Variants in TRIM44 observed in about 807,000 individuals in gnomAD.
The protein encoded by TRIM44 is tripartite motif-containing protein 44.
In TRIM44, 13 loss-of-function variants were observed where a neutral mutation model predicts 37.4. The observed-to-expected ratio is 0.35, with a 90% CI of 0.23 to 0.55. The LOEUF (loss-of-function observed/expected upper bound fraction) is 0.55, where lower values mean the gene tolerates loss of function less well. TRIM44 is among the 20% of genes least tolerant of loss of function. The pLI, the probability that TRIM44 is intolerant of heterozygous loss-of-function variation, is 0.89. For synonymous variants in TRIM44, 175 were observed against 157.2 expected (o/e 1.11, Z -0.85); for missense variants, 426 against 437.2 (o/e 0.97, Z 0.23).
chr11:35,703,252 G>A (rs533469905), intron 2 of TRIM44, among the ~76,000 whole-genome samples: 45 of 152,352 alleles, frequency 3.0e-4, no homozygotes, highest in African/African-American at 9.6e-4. Context: ...CAAAGCAGCC[G>A]GGAAGCTTGA....
In TRIM44 at chr11:35,815,547, A is replaced by G. The variant is rs76765934; in HGVS notation, c.*9162A>G. The G allele has an allele frequency of 6.6e-6, 1 of 152,152 alleles. No individual in the cohort carries two copies. The highest frequency in any genetic ancestry group is 2.4e-5 in the African/African-American group (1 of 41,504). The allele number at this position is 152,152 out of a possible 1,614,324, so 9.4% of individuals were successfully genotyped here. ...TTTGATAACAAGTAGGTTCTGATCT[A>G]TTTTCCCCAAATTAATATTTTCCCT... is the stretch of plus-strand genomic sequence containing the variant. On this transcript the variant is annotated 3_prime_UTR_variant, in exon 5 of 5. Transcript: ENST00000299413.
chr11:35,702,755 T>C (rs1851808031), intron 2 of TRIM44, among the ~76,000 whole-genome samples: 1 of 152,192 alleles, frequency 6.6e-6, no homozygotes, highest in African/African-American at 2.4e-5. Context: ...GACGATACAA[T>C]AGTTCTTATA....
chr11:35,685,422 T>A lies in TRIM44; in HGVS notation c.747+86T>A. On this transcript the variant is annotated intron_variant, in intron 2 of 4. Coordinates refer to ENST00000299413, the MANE Select transcript of TRIM44 (RefSeq NM_017583.6). ...TAAAATTGTGAGGTGTTGATGATCA[T>A]CTCTCTGAATATTGCATTAAGATTT... 4 of 1,093,082 alleles carry A rather than the reference T, an allele frequency of 3.7e-6. No individual in the cohort carries two copies. The South Asian group carries it at 5.3e-5, about 15-fold the overall frequency. 67.7% of individuals were successfully genotyped at this position (1,093,082 alleles called of 1,614,324 possible).
intron 4 of TRIM44, among the ~76,000 whole-genome samples, chr11:35,736,705 C>CT (rs1233918442): frequency 6.6e-6 from 1 of 152,206 alleles, no homozygotes; most frequent in Non-Finnish European, 1.5e-5. Flanking sequence ...TCTACTATGG[C>CT]TAAAGCCACA....
intron 3 of TRIM44, among the ~76,000 whole-genome samples, chr11:35,727,553 A>G (rs1182259913): frequency 6.6e-6 from 1 of 152,206 alleles, no homozygotes; most frequent in Non-Finnish European, 1.5e-5. Context: ...TCTTCTTTTC[A>G]TTTTATTCTC....
rs535446062 is a variant in TRIM44, at chr11:35,808,445, C to G, written c.*2060C>G. 7 of 152,160 alleles carry G rather than the reference C, an allele frequency of 4.6e-5. No individual in the cohort carries two copies. The highest frequency in any genetic ancestry group is 2.1e-4 in the South Asian group (1 of 4,810). 9.4% of individuals were successfully genotyped at this position (152,160 alleles called of 1,614,324 possible). Reference sequence around the variant, plus strand: ...GATTTGGAAGCTTGTATTGTCTTTCCCCAATAATCATTGTTTGATCTCCAA... The same window carrying G: ...GATTTGGAAGCTTGTATTGTCTTTCGCCAATAATCATTGTTTGATCTCCAA... On this transcript the variant is annotated 3_prime_UTR_variant, in exon 5 of 5. Transcript: ENST00000299413.
chr11:35,720,250 T>G (rs1385120669), intron 2 of TRIM44, among the ~76,000 whole-genome samples: 1 of 152,204 alleles, frequency 6.6e-6, no homozygotes, highest in African/African-American at 2.4e-5. Context: ...CGTATTTTGT[T>G]AGAATTATAC....
intron 2 of TRIM44, among the ~76,000 whole-genome samples, chr11:35,718,515 A>G (rs1321704621): frequency 6.6e-6 from 1 of 152,116 alleles, no homozygotes; most frequent in Non-Finnish European, 1.5e-5. Flanking sequence ...AGCCTCCCCA[A>G]CTATTATCAT....
chr11:35,737,458 G>T (rs1361518709), intron 4 of TRIM44, among the ~76,000 whole-genome samples: 1 of 152,122 alleles, frequency 6.6e-6, no homozygotes, highest in African/African-American at 2.4e-5. Flanking sequence ...GAGGTGGGAA[G>T]ATTGCTTGAA....
chr11:35,738,867 A>G (rs1007649047), intron 4 of TRIM44, among the ~76,000 whole-genome samples: 2 of 152,142 alleles, frequency 1.3e-5, no homozygotes, highest in Non-Finnish European at 2.9e-5. Context: ...CTTTGCTAGC[A>G]TTCTTTTCAC....
At chr11:35,802,921 AT>A (rs552330448) in intron 4 of TRIM44, among the ~76,000 whole-genome samples, 253 of 152,336 alleles carry the variant, frequency 1.7e-3, no homozygotes, top group Non-Finnish European at 2.8e-3. Context: ...CTGGAATGTA[AT>A]GTTTCAGCTG....
At chr11:35,743,932 A>G (rs1012025051) in intron 4 of TRIM44, among the ~76,000 whole-genome samples, 2 of 152,202 alleles carry the variant, frequency 1.3e-5, no homozygotes, top group African/African-American at 4.8e-5. Flanking sequence ...AGAGTAGGAT[A>G]CTATCATATG....
rs528424078 is a variant in TRIM44, at chr11:35,786,230, T to G, written c.1008-20128T>G. On this transcript the variant is annotated intron_variant, in intron 4 of 4. Transcript: ENST00000299413. Reference sequence around the variant, plus strand: ...TCTTTAGTAGCATTCACATCTACTCTATTACATAGGTCTTACTGGATGCAT... The same window carrying G: ...TCTTTAGTAGCATTCACATCTACTCGATTACATAGGTCTTACTGGATGCAT... 3.2e-3 allele frequency among the ~76,000 whole-genome samples: 491 copies of G among 152,366 alleles called. 1 individual carries two copies. The highest frequency in any genetic ancestry group is 5.5e-3 in the Non-Finnish European group (372 of 68,030).
chr11:35,763,689 G>A (rs116655331), intron 4 of TRIM44, among the ~76,000 whole-genome samples: 1,958 of 152,252 alleles, frequency 0.013, 45 homozygotes, highest in African/African-American at 0.045. Flanking sequence ...AATTAATTTC[G>A]AGAGAAAGAT....
chr11:35,746,446 C>CTTTT (rs5791065), intron 4 of TRIM44, among the ~76,000 whole-genome samples: 3,636 of 93,124 alleles, frequency 0.039, 244 homozygotes, highest in South Asian at 0.11. Context: ...GGGGGTCCTT[C>CTTTT]TTTTTTTTTT....
At chr11:35,730,803 A>T (rs1159381154) in intron 3 of TRIM44, among the ~76,000 whole-genome samples, 1 of 150,764 alleles carries the variant, frequency 6.6e-6, no homozygotes, top group East Asian at 1.9e-4. Flanking sequence ...TTTTCAGCTT[A>T]TGTTAGTATA....
chr11:35,690,135 G>GT (rs1007803968), intron 2 of TRIM44, among the ~76,000 whole-genome samples: 13 of 151,528 alleles, frequency 8.6e-5, no homozygotes, highest in South Asian at 2.1e-4. Context: ...TGAAACAGCA[G>GT]TTTTTTTTTC....
chr11:35,704,598 GC>G (rs1477029875), intron 2 of TRIM44, among the ~76,000 whole-genome samples: 1 of 152,148 alleles, frequency 6.6e-6, no homozygotes, highest in Non-Finnish European at 1.5e-5. Flanking sequence ...GAGAGTGGGG[GC>G]CAATATTCAA....
At position 35,816,109 on chromosome 11, in the gene TRIM44, C is replaced by T. The variant is rs1056873003; in HGVS notation, c.*9724C>T. The T allele has an allele frequency of 2.0e-5, 3 of 152,168 alleles. No individual in the cohort carries two copies. The highest frequency in any genetic ancestry group is 7.2e-5 in the African/African-American group (3 of 41,436). The allele number at this position is 152,168 out of a possible 1,614,324, so 9.4% of individuals were successfully genotyped here. ...CCTCCCTTTTATCACTCCACCCTGC[C>T]TCTACTCCTCCGCCTCCTATTCTTC... On this transcript the variant is annotated 3_prime_UTR_variant, in exon 5 of 5. Coordinates refer to ENST00000299413, the MANE Select transcript of TRIM44 (RefSeq NM_017583.6).
Sources: allele counts gnomAD v4.1 joint callset (sites outside exome capture counted in the v4.1 genomes callset), GRCh38; gene constraint gnomAD v4.1.1; transcripts MANE v1.5; gene names NCBI Gene and HGNC (gene_info 2026-07-23, HGNC 2026-07-21).